SPATA17: variants seen among roughly 807,000 people sequenced by gnomAD.
SPATA17 encodes spermatogenesis associated 17.
In SPATA17, 53 loss-of-function variants were observed where a neutral mutation model predicts 62.2. The ratio of observed to expected loss-of-function variants is 0.85; its 90% CI spans 0.68 to 1.07. The LOEUF is 1.07. SPATA17 is among the 50% of genes least tolerant of loss of function. The pLI is 0.00. For missense variants in SPATA17, 466 were observed against 425.5 expected (o/e 1.10, Z -0.84); for synonymous variants, 146 against 146.8 (o/e 0.99, Z 0.04).
At chr1:217,772,758 G>C (rs182545540) in intron 6 of SPATA17, among the ~76,000 whole-genome samples, 1 of 152,140 alleles carries the variant, frequency 6.6e-6, no homozygotes, top group Non-Finnish European at 1.5e-5. Flanking sequence ...CTAGGCCCTG[G>C]GGTTGCAAAA....
At chr1:217,634,669 T>G (rs1669897795) in intron 1 of SPATA17, among the ~76,000 whole-genome samples, 1 of 152,186 alleles carries the variant, frequency 6.6e-6, no homozygotes, top group Non-Finnish European at 1.5e-5. Flanking sequence ...AAAGGCAGTC[T>G]AGTCCCCAGG....
At chr1:217,773,613 T>C (rs1673509513) in intron 6 of SPATA17, among the ~76,000 whole-genome samples, 1 of 152,138 alleles carries the variant, frequency 6.6e-6, no homozygotes, top group Non-Finnish European at 1.5e-5. Flanking sequence ...CTCTATTGTG[T>C]GGAAGGTACT....
chr1:217,852,728 T>C (rs1358736187), intron 9 of SPATA17, among the ~76,000 whole-genome samples: 1 of 152,166 alleles, frequency 6.6e-6, no homozygotes, highest in Non-Finnish European at 1.5e-5. Flanking sequence ...GCATGGTTTA[T>C]AAGGTTTTGG....
intron 8 of SPATA17, among the ~76,000 whole-genome samples, chr1:217,796,809 C>T (rs1239624536): frequency 6.6e-6 from 1 of 152,132 alleles, no homozygotes; most frequent in African/African-American, 2.4e-5. Flanking sequence ...ATTAGGTTTA[C>T]CTGGACATTT....
In SPATA17 at chr1:217,670,134, C is replaced by T. The variant is rs115084582; in HGVS notation, c.291+1051C>T. On this transcript the variant is annotated intron_variant, in intron 4 of 10. Transcript: ENST00000366933. ...TTTTCTCTTTTAAAGGGAATACTTT[C>T]GTCTGGGAATTTCAGAGGTTTTGTA... 4.1e-3 allele frequency among the ~76,000 whole-genome samples: 629 copies of T among 152,266 alleles called. 4 individuals are homozygous for T. The highest frequency in any genetic ancestry group is 6.5e-3 in the Non-Finnish European group (442 of 68,008).
chr1:217,669,048 A>G lies in SPATA17; in HGVS notation c.256A>G (p.Met86Val). 1 of 1,611,854 alleles carries G rather than the reference A, an allele frequency of 6.2e-7. No homozygotes were observed. The highest frequency in any genetic ancestry group is 8.5e-7 in the Non-Finnish European group (1 of 1,179,170). The change falls in exon 4 of 11, where the codon ATG becomes GTG. Residue 86 changes from methionine to valine, a missense_variant. Transcript: ENST00000366933. ...QLTVQVAYYT[M>V]MMNLYNAMAV... is the part of the protein sequence containing the mutation. ...TGATTCACAGGTAGCATATTATACT[A>G]TGATGATGAATCTCTACAATGCAAT...
intron 5 of SPATA17, among the ~76,000 whole-genome samples, chr1:217,704,496 C>T (rs1571744878): frequency 6.6e-6 from 1 of 150,754 alleles, no homozygotes; most frequent in South Asian, 2.1e-4. Flanking sequence ...ATGATCCACC[C>T]GCCTCGGCCT....
intron 4 of SPATA17, among the ~76,000 whole-genome samples, chr1:217,670,879 A>G (rs1449563377): frequency 6.7e-6 from 1 of 149,330 alleles, no homozygotes; most frequent in African/African-American, 2.5e-5. Context: ...TGAGCCCAGA[A>G]GGCGGAAGTG....
intron 8 of SPATA17, among the ~76,000 whole-genome samples, chr1:217,792,604 T>G (rs573430936): frequency 6.6e-6 from 1 of 152,322 alleles, no homozygotes; most frequent in East Asian, 1.9e-4. Context: ...GTTTTTCAGT[T>G]CAAATTTCTG....
intron 5 of SPATA17, among the ~76,000 whole-genome samples, chr1:217,697,169 A>G (rs1234347066): frequency 5.3e-5 from 8 of 152,006 alleles, no homozygotes; most frequent in Admixed American, 5.3e-4. Flanking sequence ...CCACCATGCT[A>G]ATTTTTTGTA....
intron 9 of SPATA17, among the ~76,000 whole-genome samples, chr1:217,819,196 G>T (rs1674800817): frequency 6.6e-6 from 1 of 150,834 alleles, no homozygotes; most frequent in South Asian, 2.1e-4. Context: ...TTTTCTCACA[G>T]TGACTTTTTA....
chr1:217,823,250 T>G (rs974438199), intron 9 of SPATA17, among the ~76,000 whole-genome samples: 1 of 151,598 alleles, frequency 6.6e-6, no homozygotes, highest in Non-Finnish European at 1.5e-5. Flanking sequence ...CCTACAAGAG[T>G]ACAAGTTCGT....
At chr1:217,673,045 C>A (rs571146761) in intron 4 of SPATA17, among the ~76,000 whole-genome samples, 1 of 152,058 alleles carries the variant, frequency 6.6e-6, no homozygotes, top group Non-Finnish European at 1.5e-5. Context: ...TACTTTAACA[C>A]GTTTTTTCTA....
At chr1:217,652,473 A>G (rs1670341077) in intron 3 of SPATA17, among the ~76,000 whole-genome samples, 1 of 151,972 alleles carries the variant, frequency 6.6e-6, no homozygotes, top group Admixed American at 6.6e-5. Flanking sequence ...ACCTCAGATG[A>G]TCTGCCTGCC....
chr1:217,669,106 A>C (rs1240708907), intron 4 of SPATA17, 23 bp downstream of exon 4: 4 of 1,604,408 alleles, frequency 2.5e-6, no homozygotes, highest in Non-Finnish European at 3.4e-6. Context: ...TCACTTGTTA[A>C]ACAAATGAAA....
Position 217,631,480 on chromosome 1 carries a change from G to A in SPATA17, c.68+34G>A, listed in dbSNP as rs373811542. On this transcript the variant is annotated intron_variant, in intron 1 of 10. Transcript: ENST00000366933. ...GGAAGAGAAGGATCGCGTAAAGGGC[G>A]GGCGTGACTTTATACCAGTTGTTCC... 22 of 1,609,450 alleles carry A rather than the reference G, an allele frequency of 1.4e-5. No individual in the cohort carries two copies. The African/African-American group carries it at 2.0e-4, about 15-fold the overall frequency.
At chr1:217,699,068 C>A (rs1022363201) in intron 5 of SPATA17, among the ~76,000 whole-genome samples, 3 of 152,112 alleles carry the variant, frequency 2.0e-5, no homozygotes, top group Non-Finnish European at 4.4e-5. Context: ...CTTTTGATTG[C>A]AGAGTTGTCT....
chr1:217,652,629 A>T (rs1395323656), intron 3 of SPATA17, among the ~76,000 whole-genome samples: 1 of 152,106 alleles, frequency 6.6e-6, no homozygotes, highest in African/African-American at 2.4e-5. Context: ...AAATGCCTCT[A>T]TTTCTGTTTC....
At chr1:217,707,545 A>G (rs1025272923) in intron 5 of SPATA17, among the ~76,000 whole-genome samples, 5 of 152,154 alleles carry the variant, frequency 3.3e-5, no homozygotes. Context: ...CCCATTCATT[A>G]TGATTTTGGC....
Sources: gnomAD v4.1 joint callset for allele counts (sites outside exome capture counted in the v4.1 genomes callset) on GRCh38, gnomAD v4.1.1 for gene constraint, MANE v1.5 for transcripts, NCBI Gene and HGNC (gene_info 2026-07-23, HGNC 2026-07-21) for gene names.